Variants in PTPRT observed in about 807,000 individuals in gnomAD.
PTPRT encodes the protein protein tyrosine phosphatase receptor type T, also known as receptor-type tyrosine-protein phosphatase T.
In PTPRT, 56 loss-of-function variants were observed where a neutral mutation model predicts 176.8. That is an observed-to-expected ratio of 0.32 (90% CI 0.26 to 0.40). The LOEUF is 0.40. PTPRT is among the 10% of genes least tolerant of loss of function. The pLI is 1.00. For missense variants in PTPRT, 1,540 were observed against 1,908.2 expected, an observed-to-expected ratio of 0.81 and a Z score of 3.60; for synonymous variants, 783 against 739.0, an observed-to-expected ratio of 1.06 and a Z score of -0.96.
intron 17 of PTPRT, among the ~76,000 whole-genome samples, chr20:42,152,339 A>G (rs544254317): frequency 6.6e-6 from 1 of 152,392 alleles, no homozygotes; most frequent in African/African-American, 2.4e-5. Flanking sequence ...ACGTCTATTC[A>G]GAGTGGCATC....
chr20:43,181,534 T>C (rs994249687), intron 1 of PTPRT, among the ~76,000 whole-genome samples: 1 of 152,178 alleles, frequency 6.6e-6, no homozygotes, highest in African/African-American at 2.4e-5. Context: ...TAATACTCAC[T>C]GAAACACATA....
At chr20:42,041,130 C>G in the PTPRT span, among the ~76,000 whole-genome samples, 7 of 152,170 alleles carry the variant, frequency 4.6e-5, no homozygotes, top group Non-Finnish European at 7.3e-5. Context: ...GAGCAGCTTT[C>G]CTTCTTTAAC....
chr20:42,052,084 G>A, the PTPRT span, among the ~76,000 whole-genome samples: 48 of 152,188 alleles, frequency 3.2e-4, no homozygotes, highest in Non-Finnish European at 6.5e-4. Context: ...GTTTGCTTCC[G>A]GACATCTGGG....
chr20:43,009,208 G>GA (rs899678609), intron 1 of PTPRT, among the ~76,000 whole-genome samples: 22 of 151,694 alleles, frequency 1.5e-4, no homozygotes, highest in Non-Finnish European at 2.7e-4. Flanking sequence ...AACTATCACT[G>GA]AAAAAAAAGA....
intron 9 of PTPRT, among the ~76,000 whole-genome samples, chr20:42,354,154 A>G (rs1001809464): frequency 1.3e-5 from 2 of 152,164 alleles, no homozygotes; most frequent in African/African-American, 4.8e-5. Context: ...ATAATCAAAA[A>G]CCAAACCATT....
chr20:42,050,739 C>T, the PTPRT span, among the ~76,000 whole-genome samples: 1 of 152,202 alleles, frequency 6.6e-6, no homozygotes, highest in African/African-American at 2.4e-5. Flanking sequence ...AGAAGAGGTC[C>T]TGAATCACGG....
intron 11 of PTPRT, among the ~76,000 whole-genome samples, chr20:42,322,699 G>C (rs954234671): frequency 4.0e-5 from 6 of 151,740 alleles, no homozygotes; most frequent in Non-Finnish European, 7.4e-5. Flanking sequence ...CATAGGCATG[G>C]GCAAGGACTT....
At chr20:42,387,024 CT>C (rs555036098) in intron 9 of PTPRT, among the ~76,000 whole-genome samples, 1 of 152,088 alleles carries the variant, frequency 6.6e-6, no homozygotes, top group Non-Finnish European at 1.5e-5. Context: ...CTCTAAGTTC[CT>C]TTTTTTGCTC....
chr20:42,257,636 T>TCCCCC (rs1485904252), intron 13 of PTPRT, among the ~76,000 whole-genome samples: 11 of 6,654 alleles, frequency 1.7e-3, no homozygotes, highest in East Asian at 6.9e-3. Flanking sequence ...GTGTAGCACC[T>TCCCCC]CCCCCCACCC....
intron 1 of PTPRT, among the ~76,000 whole-genome samples, chr20:43,117,719 T>TA (rs1161996923): frequency 6.6e-6 from 1 of 152,212 alleles, no homozygotes; most frequent in Non-Finnish European, 1.5e-5. Flanking sequence ...CCTGCACTCT[T>TA]ACACCAAACA....
chr20:42,959,969 A>G (rs1417033419), intron 1 of PTPRT, among the ~76,000 whole-genome samples: 1 of 152,144 alleles, frequency 6.6e-6, no homozygotes, highest in African/African-American at 2.4e-5. Context: ...TCAGGTTCCT[A>G]GAACAACATC....
At chr20:42,994,887 C>G (rs1984139694) in intron 1 of PTPRT, among the ~76,000 whole-genome samples, 1 of 152,166 alleles carries the variant, frequency 6.6e-6, no homozygotes, top group Non-Finnish European at 1.5e-5. Context: ...AGATGAAACC[C>G]AGTTCTGCTA....
chr20:42,054,215 G>T, the PTPRT span, among the ~76,000 whole-genome samples: 1 of 152,178 alleles, frequency 6.6e-6, no homozygotes, highest in Non-Finnish European at 1.5e-5. Context: ...TAAGGTTTAG[G>T]AGGAGTCCAG....
At chr20:42,781,551 C>G (rs1330213641) in intron 3 of PTPRT, among the ~76,000 whole-genome samples, 2 of 152,034 alleles carry the variant, frequency 1.3e-5, no homozygotes, top group African/African-American at 4.8e-5. Flanking sequence ...ATCTCCAAAC[C>G]CTCCCTTTTA....
intron 7 of PTPRT, among the ~76,000 whole-genome samples, chr20:42,569,764 C>A (rs960094072): frequency 2.0e-5 from 3 of 152,162 alleles, no homozygotes; most frequent in Non-Finnish European, 4.4e-5. Context: ...ACTTGGCCCT[C>A]AGTTAGCATG....
chr20:42,284,823 G>A (rs2057201771), intron 12 of PTPRT, among the ~76,000 whole-genome samples: 1 of 151,838 alleles, frequency 6.6e-6, no homozygotes, highest in African/African-American at 2.4e-5. Context: ...ATTTTATAAA[G>A]TAGATAATTT....
chr20:42,352,888 A>T (rs2058306537), intron 9 of PTPRT, among the ~76,000 whole-genome samples: 1 of 152,160 alleles, frequency 6.6e-6, no homozygotes, highest in South Asian at 2.1e-4. Context: ...AAAGAAACAG[A>T]GGGCGACCCA....
intron 1 of PTPRT, among the ~76,000 whole-genome samples, chr20:43,161,821 C>T (rs888881617): frequency 1.3e-5 from 2 of 152,232 alleles, no homozygotes; most frequent in Non-Finnish European, 2.9e-5. Context: ...TGCCCATTCC[C>T]ATCTGGGCTG....
intron 1 of PTPRT, among the ~76,000 whole-genome samples, chr20:42,974,092 C>T (rs1231643676): frequency 6.6e-6 from 1 of 152,130 alleles, no homozygotes; most frequent in Admixed American, 6.5e-5. Flanking sequence ...AGCACACCAC[C>T]ATCACCCACC....
Sources: allele counts gnomAD v4.1 joint callset (sites outside exome capture counted in the v4.1 genomes callset), GRCh38; gene constraint gnomAD v4.1.1; transcripts MANE v1.5; gene names NCBI Gene and HGNC (gene_info 2026-07-23, HGNC 2026-07-21).